The following INPP4B variants were observed in gnomAD, a reference collection of about 807,000 sequenced individuals.
INPP4B encodes inositol polyphosphate 4-phosphatase type II.
INPP4B carries 55 observed loss-of-function variants against 122.5 expected under a neutral mutation model. The ratio of observed to expected loss-of-function variants is 0.45; its 90% CI spans 0.36 to 0.56. The LOEUF (loss-of-function observed/expected upper bound fraction) is 0.56. INPP4B is among the 20% of genes least tolerant of loss of function. The pLI is 0.00. For missense variants in INPP4B, 1,000 were observed against 1,097.7 expected (o/e 0.91, Z 1.26); for synonymous variants, 403 against 388.7 (o/e 1.04, Z -0.43).
intron 1 of INPP4B, among the ~76,000 whole-genome samples, chr4:142,729,708 T>C (rs1765814434): frequency 6.6e-6 from 1 of 152,128 alleles, no homozygotes; most frequent in Non-Finnish European, 1.5e-5. Context: ...TTGATGCAGG[T>C]CATACTGTCT....
intron 7 of INPP4B, among the ~76,000 whole-genome samples, chr4:142,331,522 T>A (rs1469758208): frequency 2.0e-5 from 3 of 152,154 alleles, no homozygotes. Flanking sequence ...TCATCCCCCC[T>A]CTCACATGCC....
chr4:142,473,578 C>A (rs1457184155), intron 2 of INPP4B, among the ~76,000 whole-genome samples: 1 of 152,186 alleles, frequency 6.6e-6, no homozygotes, highest in Non-Finnish European at 1.5e-5. Context: ...CCAGAGCAGA[C>A]CATCACCAGC....
chr4:142,707,830 C>T (rs758308882), intron 2 of INPP4B, among the ~76,000 whole-genome samples: 1 of 152,160 alleles, frequency 6.6e-6, no homozygotes, highest in Non-Finnish European at 1.5e-5. Flanking sequence ...GTGGAAGCAC[C>T]TTTGGAACTG....
At chr4:142,145,608 T>A (rs1425807328) in intron 18 of INPP4B, among the ~76,000 whole-genome samples, 1 of 152,050 alleles carries the variant, frequency 6.6e-6, no homozygotes, top group East Asian at 1.9e-4. Context: ...TCAAGGTTTT[T>A]ATGTGGTAAG....
chr4:142,227,613 CACTTTG>C (rs1289590212), intron 12 of INPP4B, among the ~76,000 whole-genome samples: 4 of 151,698 alleles, frequency 2.6e-5, no homozygotes, highest in African/African-American at 9.7e-5. Flanking sequence ...GTAATCCCAG[CACTTTG>C]GGAGGTCAAG....
At chr4:142,131,793 T>C (rs1196913670) in intron 18 of INPP4B, among the ~76,000 whole-genome samples, 1 of 152,116 alleles carries the variant, frequency 6.6e-6, no homozygotes, top group Non-Finnish European at 1.5e-5. Flanking sequence ...CCGTCTCTAC[T>C]GAAAATACAA....
At position 142,270,770 on chromosome 4, in the gene INPP4B, A is replaced by C; in HGVS notation, c.508T>G (p.Ser170Ala). Residue 170 changes from serine to alanine, a missense_variant, in exon 10 of 26, where the codon TCA becomes GCA. Transcript: ENST00000262992. Reference sequence around the variant, plus strand: ...GTGCCAACCACTTTGCCACCATCTGAAGTTCTGCAACAAAAAATACACGAA... The same window carrying C: ...GTGCCAACCACTTTGCCACCATCTGCAGTTCTGCAACAAAAAATACACGAA... The part of the protein sequence containing the change: ...EQLLVLSLRT[S>A]DGGKVVGTIE... The C allele has an allele frequency of 6.2e-7, 1 of 1,607,134 alleles. No homozygotes were observed. The highest frequency in any genetic ancestry group is 8.5e-7 in the Non-Finnish European group (1 of 1,173,782).
intron 1 of INPP4B, among the ~76,000 whole-genome samples, chr4:142,838,054 T>C (rs1358577180): frequency 6.6e-6 from 1 of 151,676 alleles, no homozygotes; most frequent in Non-Finnish European, 1.5e-5. Flanking sequence ...TTTAAGTATT[T>C]ATTGCTGTGA....
At position 142,282,814 on chromosome 4, in the gene INPP4B, A is replaced by G. The variant is rs571900590; in HGVS notation, c.504-12040T>C. ...ACAGGCAGCATATATTCACGGTGCA[A>G]CCTGTAATCAAGGGGCGGGTGTTAT... On this transcript the variant is annotated intron_variant, in intron 9 of 25. Coordinates refer to ENST00000262992, the MANE Select transcript of INPP4B (RefSeq NM_001101669.3). Among the ~76,000 whole-genome samples the G allele has an allele frequency of 1.1e-4, 17 of 152,158 alleles. No individual in the cohort carries two copies. The South Asian group carries it at 3.5e-3, about 32-fold the overall frequency.
In INPP4B at chr4:142,124,716, C is replaced by A. The variant is rs746749012; in HGVS notation, c.1765G>T (p.Asp589Tyr). 1.2e-6 allele frequency: 2 copies of A among 1,607,756 alleles called. No homozygotes were observed. Among genetic ancestry groups the A allele is most frequent in the South Asian group, 2.2e-5 (2 of 90,630 alleles). ...QLYPLILTLK[D>Y]CMGEVVNRAK... ...CGGTTCACCACTTCTCCCATGCAGT[C>A]CTTCAGGGTAAGGATGAGGGGATAC... The change falls in exon 19 of 26, where the codon GAC becomes TAC. Residue 589 changes from aspartate to tyrosine, a missense_variant. Transcript: ENST00000262992.
At chr4:142,444,756 C>G (rs1284118161) in intron 3 of INPP4B, among the ~76,000 whole-genome samples, 1 of 152,044 alleles carries the variant, frequency 6.6e-6, no homozygotes, top group Non-Finnish European at 1.5e-5. Flanking sequence ...TTGGATCCAA[C>G]CCAAATGCCC....
At chr4:142,555,562 G>A (rs1384167302) in intron 2 of INPP4B, among the ~76,000 whole-genome samples, 3 of 152,072 alleles carry the variant, frequency 2.0e-5, no homozygotes, top group Non-Finnish European at 4.4e-5. Flanking sequence ...TTTGAAACTG[G>A]TTAAAAAAAT....
intron 2 of INPP4B, among the ~76,000 whole-genome samples, chr4:142,539,238 A>T (rs1406503072): frequency 6.6e-6 from 1 of 151,780 alleles, no homozygotes; most frequent in Non-Finnish European, 1.5e-5. Context: ...TTGCATATCA[A>T]CATGACAATA....
At chr4:142,219,873 A>C (rs1239081500) in intron 12 of INPP4B, among the ~76,000 whole-genome samples, 2 of 152,174 alleles carry the variant, frequency 1.3e-5, no homozygotes, top group African/African-American at 4.8e-5. Context: ...TTTGATAATC[A>C]AGGTTACTTT....
intron 23 of INPP4B, among the ~76,000 whole-genome samples, chr4:142,101,826 C>T (rs980414282): frequency 2.0e-5 from 3 of 152,118 alleles, no homozygotes; most frequent in Non-Finnish European, 4.4e-5. Context: ...AAAGCATTAT[C>T]ACATACTTGT....
At chr4:142,290,810 A>C (rs1756130801) in intron 9 of INPP4B, among the ~76,000 whole-genome samples, 1 of 152,198 alleles carries the variant, frequency 6.6e-6, no homozygotes, top group African/African-American at 2.4e-5. Context: ...ACAGCTAGGC[A>C]TCAAACAACC....
rs530017957 is a variant in INPP4B at position 142,172,300 on chromosome 4, C to T, written c.1359+1332G>A. Among the ~76,000 whole-genome samples the T allele has an allele frequency of 3.1e-4, 47 of 152,096 alleles. No homozygotes were observed. In the South Asian group the frequency reaches 9.7e-3, roughly 32 times the overall value. ...CCTGTATTTGACTCTAGCTGCATGA[C>T]TTTTCACATTTTTAAAATTTCTCTG... On this transcript the variant is annotated intron_variant, in intron 16 of 25. Coordinates refer to ENST00000262992, the MANE Select transcript of INPP4B (RefSeq NM_001101669.3).
At chr4:142,098,505 G>A (rs1013267916) in intron 23 of INPP4B, among the ~76,000 whole-genome samples, 3 of 152,112 alleles carry the variant, frequency 2.0e-5, no homozygotes, top group African/African-American at 4.8e-5. Context: ...AAGATGCTAG[G>A]AGGAAGCTGT....
At position 142,449,973 on chromosome 4, in the gene INPP4B, T is replaced by C. The variant is rs543706256; in HGVS notation, c.-127+12690A>G. 3.3e-5 allele frequency among the ~76,000 whole-genome samples: 5 copies of C among 152,224 alleles called. No individual in the cohort carries two copies. The East Asian group carries it at 9.7e-4, about 30-fold the overall frequency. On this transcript the variant is annotated intron_variant, in intron 3 of 25. Transcript: ENST00000262992. ...TGGTTCATGTCCTACCATCAGCACT[T>C]CCCAGGCTGCCAGGGTCTCATAATC...
Sources: gnomAD v4.1 joint callset for allele counts (sites outside exome capture counted in the v4.1 genomes callset) on GRCh38, gnomAD v4.1.1 for gene constraint, MANE v1.5 for transcripts, NCBI Gene and HGNC (gene_info 2026-07-23, HGNC 2026-07-21) for gene names.